Variants in PLXDC2 observed in about 807,000 individuals in gnomAD.
PLXDC2 encodes plexin domain-containing protein 2.
In PLXDC2, 40 loss-of-function variants were observed where a neutral mutation model predicts 68.9. That is an observed-to-expected ratio of 0.58 (90% CI 0.45 to 0.76). The LOEUF (loss-of-function observed/expected upper bound fraction) is 0.76. Ranked by LOEUF, PLXDC2 falls within the 30% of genes least tolerant of loss-of-function variation. PLXDC2 has a pLI of 0.00. For synonymous variants in PLXDC2, 243 were observed against 234.2 expected, an observed-to-expected ratio of 1.04 and a Z score of -0.34; for missense variants, 644 against 661.9, an observed-to-expected ratio of 0.97 and a Z score of 0.30.
intron 1 of PLXDC2, among the ~76,000 whole-genome samples, chr10:19,915,689 C>CT (rs1249738823): frequency 3.3e-5 from 5 of 152,002 alleles, no homozygotes; most frequent in Non-Finnish European, 5.9e-5. Flanking sequence ...CCTAGAAACT[C>CT]TGTCTTCTCC....
At chr10:20,214,827 G>A (rs998342068) in intron 10 of PLXDC2, among the ~76,000 whole-genome samples, 1 of 152,090 alleles carries the variant, frequency 6.6e-6, no homozygotes, top group African/African-American at 2.4e-5. Flanking sequence ...CGGAATACTA[G>A]GTCCTGTTCA....
chr10:20,131,546 C>T (rs1421729051), intron 4 of PLXDC2, among the ~76,000 whole-genome samples: 7 of 152,024 alleles, frequency 4.6e-5, no homozygotes, highest in African/African-American at 1.4e-4. Context: ...ATTATGGGCA[C>T]ATGCCACCAT....
At chr10:19,817,256 T>G in intron 1 of PLXDC2, 65 bp downstream of exon 1, 2 of 1,299,716 alleles carry the variant, frequency 1.5e-6, no homozygotes, top group Non-Finnish European at 1.1e-6. Flanking sequence ...GGCACTCTCG[T>G]GCTCCCTACC....
chr10:20,162,067 AGAGAGAAGGAAGGAAGGAAG>A (rs1476228790), intron 6 of PLXDC2, among the ~76,000 whole-genome samples: 140 of 45,472 alleles, frequency 3.1e-3, no homozygotes, highest in African/African-American at 6.6e-3. Flanking sequence ...AGAGAGAGAG[AGAGAGAAGGAAGGAAGGAAG>A]GAAGGAAGGA....
At chr10:19,852,512 A>G (rs1837140771) in intron 1 of PLXDC2, among the ~76,000 whole-genome samples, 2 of 150,258 alleles carry the variant, frequency 1.3e-5, no homozygotes, top group South Asian at 4.3e-4. Context: ...GATTGTTCTA[A>G]GTTCAGTGGA....
chr10:20,044,219 T>TTCTTTCTTTCTC (rs1214026646), intron 2 of PLXDC2, among the ~76,000 whole-genome samples: 5 of 14,686 alleles, frequency 3.4e-4, no homozygotes, highest in Non-Finnish European at 1.2e-4. Flanking sequence ...CTGTCTTTCT[T>TTCTTTCTTTCTC]TCTTTCTTTC....
At chr10:20,104,917 G>GA (rs1053437078) in intron 4 of PLXDC2, among the ~76,000 whole-genome samples, 1 of 151,904 alleles carries the variant, frequency 6.6e-6, no homozygotes, top group African/African-American at 2.4e-5. Flanking sequence ...TGGGGGTGGT[G>GA]GCGTGTGCCT....
intron 4 of PLXDC2, among the ~76,000 whole-genome samples, chr10:20,140,524 C>A (rs1197132823): frequency 6.6e-6 from 1 of 151,602 alleles, no homozygotes; most frequent in African/African-American, 2.4e-5. Context: ...CTGTGAGTAC[C>A]TTTAAAGCTT....
At chr10:20,213,081 T>C (rs1835090257) in intron 10 of PLXDC2, among the ~76,000 whole-genome samples, 1 of 152,184 alleles carries the variant, frequency 6.6e-6, no homozygotes, top group Non-Finnish European at 1.5e-5. Flanking sequence ...CTTTTATTTT[T>C]ATGATGAGTT....
At chr10:19,924,693 C>G (rs1833510165) in intron 1 of PLXDC2, among the ~76,000 whole-genome samples, 1 of 152,174 alleles carries the variant, frequency 6.6e-6, no homozygotes, top group South Asian at 2.1e-4. Context: ...TGGAGGAGAT[C>G]TGAAAAGATG....
rs1432856799 is a variant in PLXDC2 at position 20,284,273 on chromosome 10, G to A, written c.*4454G>A. The A allele has an allele frequency of 6.8e-6, 1 of 147,630 alleles. No individual in the cohort carries two copies. The highest frequency in any genetic ancestry group is 1.5e-5 in the Non-Finnish European group (1 of 67,340). The allele number at this position is 147,630 out of a possible 1,614,324, so 9.1% of individuals were successfully genotyped here. On this transcript the variant is annotated 3_prime_UTR_variant, in exon 14 of 14. Transcript: ENST00000377252. Reference sequence around the variant, plus strand: ...ATATGCCAGAGTCATGGCAGATCCAGCCTGGACAACATAGTGAGACCCATC... The same window carrying A: ...ATATGCCAGAGTCATGGCAGATCCAACCTGGACAACATAGTGAGACCCATC...
intron 1 of PLXDC2, among the ~76,000 whole-genome samples, chr10:19,858,759 T>A (rs1348241099): frequency 6.6e-6 from 1 of 152,106 alleles, no homozygotes; most frequent in Non-Finnish European, 1.5e-5. Context: ...AAAGGTTTCA[T>A]AATGGCACTA....
chr10:19,818,227 GGTGTGTGTGTGTGTGTGT>G (rs749435110), intron 1 of PLXDC2, among the ~76,000 whole-genome samples: 209 of 137,606 alleles, frequency 1.5e-3, no homozygotes, highest in Non-Finnish European at 2.5e-3. Flanking sequence ...GTTCTTTTCT[GGTGTGTGTGTGTGTGTGT>G]GTGTGTGTGT....
intron 1 of PLXDC2, among the ~76,000 whole-genome samples, chr10:19,867,062 C>CTG (rs1491045317): frequency 1.9e-5 from 2 of 105,388 alleles, no homozygotes; most frequent in African/African-American, 4.1e-5. Context: ...CCTCCTTTCC[C>CTG]TCTTTTTTTT....
At chr10:20,118,311 C>A (rs1457846980) in intron 4 of PLXDC2, among the ~76,000 whole-genome samples, 1 of 152,114 alleles carries the variant, frequency 6.6e-6, no homozygotes, top group Non-Finnish European at 1.5e-5. Context: ...CAGGTCAATG[C>A]TCTTTTGTTA....
At chr10:19,893,537 A>G (rs1442195603) in intron 1 of PLXDC2, among the ~76,000 whole-genome samples, 2 of 152,126 alleles carry the variant, frequency 1.3e-5, no homozygotes, top group Non-Finnish European at 2.9e-5. Context: ...CTGGTCATAA[A>G]CTCCACCTGA....
At position 19,857,670 on chromosome 10, in the gene PLXDC2, C is replaced by T. The variant is rs149833096; in HGVS notation, c.112+40479C>T. ...TTTGAAGAAGCAAATTGCATCATGG[C>T]GCAGAGTTCAAATAGGAAACTAACA... On this transcript the variant is annotated intron_variant, in intron 1 of 13. Transcript: ENST00000377252. 3.9e-4 allele frequency among the ~76,000 whole-genome samples: 60 copies of T among 152,174 alleles called. No individual in the cohort carries two copies. The East Asian group carries it at 0.011, about 28-fold the overall frequency.
chr10:20,225,237 A>G (rs898563494), intron 12 of PLXDC2, among the ~76,000 whole-genome samples: 3 of 152,194 alleles, frequency 2.0e-5, no homozygotes, highest in Non-Finnish European at 4.4e-5. Context: ...AATACTTCTA[A>G]GCTTATATTT....
At chr10:20,101,822 G>A (rs1833425675) in intron 4 of PLXDC2, among the ~76,000 whole-genome samples, 1 of 150,384 alleles carries the variant, frequency 6.6e-6, no homozygotes, top group South Asian at 2.1e-4. Context: ...TTTTGAGATA[G>A]AATCTCACTC....
Sources: allele counts gnomAD v4.1 joint callset (sites outside exome capture counted in the v4.1 genomes callset), GRCh38; gene constraint gnomAD v4.1.1; transcripts MANE v1.5; gene names NCBI Gene and HGNC (gene_info 2026-07-23, HGNC 2026-07-21).